SND1: variants seen among roughly 807,000 people sequenced by gnomAD.
SND1 encodes staphylococcal nuclease and tudor domain containing 1, also known as staphylococcal nuclease domain-containing protein 1.
Under a neutral mutation model 121.7 loss-of-function variants are expected in SND1, and 38 were observed. The observed-to-expected ratio is 0.31, with a 90% CI of 0.24 to 0.41. SND1 has a LOEUF of 0.41. Among genes scored for constraint, SND1 ranks in the 10% least tolerant of loss-of-function variants. SND1 has a pLI of 1.00. For synonymous variants in SND1, 401 were observed against 447.4 expected (o/e 0.90, Z 1.31); for missense variants, 868 against 1,184.6 (o/e 0.73, Z 3.92).
chr7:128,038,151 A>G (rs954761886), intron 16 of SND1, among the ~76,000 whole-genome samples: 1 of 152,268 alleles, frequency 6.6e-6, no homozygotes, highest in African/African-American at 2.4e-5. Context: ...GCCTCTTCAC[A>G]GACACACAGT....
chr7:128,044,867 G>A (rs192027683), intron 16 of SND1, among the ~76,000 whole-genome samples: 24 of 152,222 alleles, frequency 1.6e-4, no homozygotes, highest in African/African-American at 5.5e-4. Flanking sequence ...GTTCAGTTGT[G>A]TACATTTATC....
At chr7:127,832,344 T>A (rs1798756278) in intron 11 of SND1, among the ~76,000 whole-genome samples, 1 of 152,182 alleles carries the variant, frequency 6.6e-6, no homozygotes, top group Admixed American at 6.5e-5. Flanking sequence ...TGACCTCCAA[T>A]GATGTTATAA....
intron 9 of SND1, among the ~76,000 whole-genome samples, chr7:127,710,731 A>G (rs1235246407): frequency 6.6e-6 from 1 of 152,094 alleles, no homozygotes; most frequent in African/African-American, 2.4e-5. Flanking sequence ...TTACATGGCT[A>G]TTTCTTAATT....
chr7:128,087,119 C>A, intron 21 of SND1, 68 bp downstream of exon 21: 1 of 1,154,128 alleles, frequency 8.7e-7, no homozygotes, highest in Non-Finnish European at 1.3e-6. Context: ...CAGCAGCCCT[C>A]ATGGGCTGAC....
intron 12 of SND1, among the ~76,000 whole-genome samples, chr7:127,863,447 A>C (rs890834156): frequency 2.6e-5 from 4 of 152,204 alleles, no homozygotes; most frequent in African/African-American, 9.7e-5. Flanking sequence ...CTCAAAAAAA[A>C]ATTATTGCTT....
At chr7:127,798,123 TCA>T (rs1798059385) in intron 10 of SND1, among the ~76,000 whole-genome samples, 1 of 152,188 alleles carries the variant, frequency 6.6e-6, no homozygotes. Context: ...TGGAATATAA[TCA>T]TATGCTGTGC....
intron 15 of SND1, among the ~76,000 whole-genome samples, chr7:127,981,436 AAC>A (rs1001545320): frequency 1.3e-5 from 2 of 152,172 alleles, no homozygotes; most frequent in African/African-American, 4.8e-5. Context: ...CCCCTTCCCA[AAC>A]ACACCTCCAG....
chr7:128,083,830 C>T lies in SND1; in HGVS notation c.2111-894C>T, dbSNP rs59411910. 4.9e-3 allele frequency among the ~76,000 whole-genome samples: 749 copies of T among 152,298 alleles called. 4 individuals are homozygous for T. Among genetic ancestry groups the T allele is most frequent in the African/African-American group, 0.016 (676 of 41,552 alleles). On this transcript the variant is annotated intron_variant, in intron 18 of 23. Transcript: ENST00000354725. ...AAAAGGTCTGAGACTGAGCTAGAAT[C>T]AGGGCCAGAAGGGACTGATGCCTCC...
chr7:127,829,743 A>G (rs978335146), intron 11 of SND1, among the ~76,000 whole-genome samples: 10 of 152,224 alleles, frequency 6.6e-5, no homozygotes, highest in Admixed American at 5.2e-4. Context: ...TGTATACTTC[A>G]GCATAGATGA....
At chr7:128,032,233 C>T (rs1024531654) in intron 16 of SND1, 1 of 149,448 alleles carries the variant, frequency 6.7e-6, no homozygotes, top group African/African-American at 2.4e-5. Context: ...CCGCGCCGGC[C>T]GGCGCCGCGC....
chr7:127,879,938 C>T (rs1799759065), intron 12 of SND1, among the ~76,000 whole-genome samples: 1 of 152,204 alleles, frequency 6.6e-6, no homozygotes, highest in Non-Finnish European at 1.5e-5. Context: ...CAGGCATCTG[C>T]ATGAGATATA....
At position 127,904,793 on chromosome 7, in the gene SND1, A is replaced by G. The variant is rs754374579; in HGVS notation, c.1501A>G (p.Ile501Val). The change falls in exon 14 of 24, where the codon ATC becomes GTC. Residue 501 changes from isoleucine (I) to valine (V), a missense_variant. Physicochemically the swap from Ile to Val is conservative, Grantham distance 29. Around this residue, in one of 2 missense-constraint regions of SND1, gnomAD observed 743 missense variants for 1,071.3 expected, o/e 0.69. Coordinates refer to ENST00000354725, the MANE Select transcript of SND1 (RefSeq NM_014390.4). ...KGLHSKKEVP[I>V]HRVADISGDT... Reference sequence around the variant, plus strand: ...ATTGCATAGCAAGAAGGAAGTGCCTATCCACCGTGTTGCAGATATATCTGG... The same window carrying G: ...ATTGCATAGCAAGAAGGAAGTGCCTGTCCACCGTGTTGCAGATATATCTGG... 6.2e-7 allele frequency: 1 copy of G among 1,611,544 alleles called. No individual in the cohort carries two copies. Among genetic ancestry groups the G allele is most frequent in the Non-Finnish European group, 8.5e-7 (1 of 1,177,736 alleles).
At chr7:127,905,205 G>A (rs1800312185) in intron 14 of SND1, among the ~76,000 whole-genome samples, 1 of 152,170 alleles carries the variant, frequency 6.6e-6, no homozygotes, top group Non-Finnish European at 1.5e-5. Flanking sequence ...GATTTCAGGA[G>A]AAGTATATGA....
At chr7:128,077,185 C>T (rs1486802406) in intron 17 of SND1, among the ~76,000 whole-genome samples, 3 of 152,240 alleles carry the variant, frequency 2.0e-5, no homozygotes, top group African/African-American at 7.2e-5. Context: ...GCCAGCCCCA[C>T]CCCTGGAGCC....
intron 16 of SND1, among the ~76,000 whole-genome samples, chr7:128,018,970 T>C (rs899884354): frequency 6.6e-6 from 1 of 152,178 alleles, no homozygotes; most frequent in African/African-American, 2.4e-5. Flanking sequence ...GGACCTGAAA[T>C]TGAATCCCTT....
intron 21 of SND1, among the ~76,000 whole-genome samples, chr7:128,087,928 G>A (rs143130092): frequency 5.3e-5 from 8 of 152,300 alleles, no homozygotes; most frequent in African/African-American, 1.9e-4. Context: ...CGGGAGCTCA[G>A]GCAGGTTGAG....
At chr7:127,680,702 C>T (rs745749399) in intron 1 of SND1, among the ~76,000 whole-genome samples, 36 of 150,980 alleles carry the variant, frequency 2.4e-4, no homozygotes, top group Non-Finnish European at 3.4e-4. Flanking sequence ...CAAACACACA[C>T]GCTCTACAGT....
intron 17 of SND1, among the ~76,000 whole-genome samples, chr7:128,078,302 C>G (rs1793541106): frequency 6.6e-6 from 1 of 152,236 alleles, no homozygotes; most frequent in Non-Finnish European, 1.5e-5. Flanking sequence ...AAAGAGGGAA[C>G]CGTCATGGCT....
intron 11 of SND1, among the ~76,000 whole-genome samples, chr7:127,828,761 G>A (rs1055312356): frequency 7.2e-5 from 11 of 152,218 alleles, no homozygotes; most frequent in Admixed American, 5.2e-4. Context: ...TACCTCCAGA[G>A]CAAACACAAT....
Sources: allele counts gnomAD v4.1 joint callset (sites outside exome capture counted in the v4.1 genomes callset), GRCh38; gene constraint gnomAD v4.1.1; regional missense constraint gnomAD v4.1.1; transcripts MANE v1.5; gene names NCBI Gene and HGNC (gene_info 2026-07-23, HGNC 2026-07-21).